Variants in PROS1 observed in about 807,000 individuals in gnomAD.
The protein encoded by PROS1 is vitamin K-dependent protein S.
In PROS1, 29 loss-of-function variants were observed where a neutral mutation model predicts 75.9. The observed-to-expected ratio is 0.38, with a 90% CI of 0.28 to 0.52. The LOEUF (loss-of-function observed/expected upper bound fraction) is 0.52. Ranked by LOEUF, PROS1 falls within the 20% of genes least tolerant of loss-of-function variation. PROS1 has a pLI of 0.83. For synonymous variants in PROS1, 245 were observed against 280.6 expected (o/e 0.87, Z 1.27); for missense variants, 680 against 810.3 (o/e 0.84, Z 1.95).
At chr3:93,961,219 G>A (rs987457422) in intron 1 of PROS1, among the ~76,000 whole-genome samples, 6 of 152,194 alleles carry the variant, frequency 3.9e-5, no homozygotes, top group African/African-American at 1.2e-4. Flanking sequence ...AGAAGGGACA[G>A]AGAATGGTCC....
chr3:93,967,761 C>T (rs1352739724), intron 1 of PROS1, among the ~76,000 whole-genome samples: 1 of 152,088 alleles, frequency 6.6e-6, no homozygotes, highest in Non-Finnish European at 1.5e-5. Context: ...TAATGGCATG[C>T]ACCTATAGTC....
intron 1 of PROS1, among the ~76,000 whole-genome samples, chr3:93,967,750 G>A (rs1709812639): frequency 1.3e-5 from 2 of 152,052 alleles, no homozygotes; most frequent in Non-Finnish European, 2.9e-5. Context: ...ATTAGTTGGT[G>A]TAATGGCATG....
intron 6 of PROS1, among the ~76,000 whole-genome samples, chr3:93,904,822 T>G (rs1470306791): frequency 6.6e-6 from 1 of 151,788 alleles, no homozygotes; most frequent in Non-Finnish European, 1.5e-5. Flanking sequence ...AGAAAAAAAG[T>G]CAAAATTTAG....
chr3:93,933,778 G>C (rs1709141660), intron 1 of PROS1, among the ~76,000 whole-genome samples: 1 of 151,872 alleles, frequency 6.6e-6, no homozygotes, highest in African/African-American at 2.4e-5. Context: ...ACAAAATTTA[G>C]CCAGGACAGA....
chr3:93,896,432 G>T (rs1488413997), intron 9 of PROS1, 144 bp downstream of exon 9: 3 of 724,328 alleles, frequency 4.1e-6, no homozygotes, highest in African/African-American at 3.5e-5. Flanking sequence ...TTAACTTTAG[G>T]TTTCCCCAAG....
At chr3:93,938,989 G>A (rs1709234688) in intron 1 of PROS1, among the ~76,000 whole-genome samples, 1 of 151,924 alleles carries the variant, frequency 6.6e-6, no homozygotes, top group South Asian at 2.1e-4. Context: ...TTTTCTCTGG[G>A]CTTGCCTCCT....
chr3:93,950,129 G>T (rs1709471001), intron 1 of PROS1, among the ~76,000 whole-genome samples: 1 of 152,186 alleles, frequency 6.6e-6, no homozygotes, highest in Non-Finnish European at 1.5e-5. Flanking sequence ...AAGCAAGGCT[G>T]GGGGGAAGCG....
At chr3:93,917,623 G>C (rs552724325) in intron 3 of PROS1, among the ~76,000 whole-genome samples, 1 of 152,158 alleles carries the variant, frequency 6.6e-6, no homozygotes, top group East Asian at 1.9e-4. Flanking sequence ...AGGGAAAGGC[G>C]CGAGGGGGAA....
chr3:93,882,857 A>G (rs1708292868), intron 12 of PROS1, among the ~76,000 whole-genome samples: 1 of 152,132 alleles, frequency 6.6e-6, no homozygotes, highest in Non-Finnish European at 1.5e-5. Flanking sequence ...CCCCATCTAG[A>G]TCCTTCTCGG....
At chr3:93,946,987 T>C (rs1459059523) in intron 1 of PROS1, among the ~76,000 whole-genome samples, 6 of 151,836 alleles carry the variant, frequency 4.0e-5, no homozygotes, top group Non-Finnish European at 2.9e-5. Flanking sequence ...ATCAAACAGC[T>C]CTATCAAAAA....
intron 10 of PROS1, among the ~76,000 whole-genome samples, chr3:93,889,496 T>C (rs1708397868): frequency 6.6e-6 from 1 of 152,226 alleles, no homozygotes; most frequent in Admixed American, 6.5e-5. Context: ...CCAAGTGTGC[T>C]TTGTTTGTAC....
chr3:93,920,336 T>C (rs937806061), intron 3 of PROS1, among the ~76,000 whole-genome samples: 1 of 152,212 alleles, frequency 6.6e-6, no homozygotes, highest in African/African-American at 2.4e-5. Context: ...TCCATGGTTT[T>C]AATTCATTTT....
rs554224498 is a variant in PROS1 at position 93,898,609 on chromosome 3, C to T, written c.728-40G>A. On this transcript the variant is annotated intron_variant, in intron 7 of 14. Transcript: ENST00000394236. ...ACACACGCACACAAACTTTAATATC[C>T]CCTAAATGTTCAATCTTATAGGCAG... The T allele has an allele frequency of 2.1e-5, 34 of 1,606,258 alleles. No individual in the cohort carries two copies. The South Asian group carries it at 3.5e-4, about 17-fold the overall frequency.
At chr3:93,944,796 T>C (rs560772728) in intron 1 of PROS1, among the ~76,000 whole-genome samples, 1 of 151,654 alleles carries the variant, frequency 6.6e-6, no homozygotes, top group Non-Finnish European at 1.5e-5. Flanking sequence ...AGGCAAGAAA[T>C]AACTAAGATC....
At chr3:93,931,125 G>A (rs556444299) in intron 1 of PROS1, among the ~76,000 whole-genome samples, 115 of 152,204 alleles carry the variant, frequency 7.6e-4, no homozygotes, top group African/African-American at 2.7e-3. Flanking sequence ...ATTTTCACAT[G>A]CTGAAATAAA....
At chr3:93,899,998 T>C (rs1429594586) in intron 7 of PROS1, among the ~76,000 whole-genome samples, 1 of 152,146 alleles carries the variant, frequency 6.6e-6, no homozygotes, top group Non-Finnish European at 1.5e-5. Flanking sequence ...TGTGTGAATA[T>C]ACATACATAC....
chr3:93,933,676 C>A (rs1416964952), intron 1 of PROS1, among the ~76,000 whole-genome samples: 1 of 152,102 alleles, frequency 6.6e-6, no homozygotes, highest in Non-Finnish European at 1.5e-5. Context: ...GTAATCCCAA[C>A]ACTCTGGGAG....
intron 4 of PROS1, among the ~76,000 whole-genome samples, chr3:93,907,139 T>TG (rs8178629): frequency 3.0e-4 from 45 of 152,152 alleles, no homozygotes; most frequent in African/African-American, 1.1e-3. Flanking sequence ...TGCTGACTGA[T>TG]GGGGGAACAC....
At chr3:93,969,457 G>A (rs1242867360) in intron 1 of PROS1, among the ~76,000 whole-genome samples, 1 of 152,110 alleles carries the variant, frequency 6.6e-6, no homozygotes, top group East Asian at 1.9e-4. Context: ...TTCTTTTGTG[G>A]GAACTGTTCT....
Sources: allele counts gnomAD v4.1 joint callset (sites outside exome capture counted in the v4.1 genomes callset), GRCh38; gene constraint gnomAD v4.1.1; transcripts MANE v1.5; gene names NCBI Gene and HGNC (gene_info 2026-07-23, HGNC 2026-07-21).